Variants in SMARCA5 observed in about 807,000 individuals in gnomAD.
SMARCA5 encodes SWI/SNF-related matrix-associated actin-dependent regulator of chromatin subfamily A member 5.
SMARCA5 carries 18 observed loss-of-function variants against 140.4 expected under a neutral mutation model. The observed-to-expected ratio is 0.13, with a 90% CI of 0.09 to 0.19. SMARCA5 has a LOEUF of 0.19. SMARCA5 is among the 10% of genes least tolerant of loss of function. The probability of loss-of-function intolerance (pLI) is 1.00; values close to 1 mark genes in which losing one functional copy is unlikely to be tolerated. For missense variants in SMARCA5, 606 were observed against 1,276.8 expected (o/e 0.47, Z 8.01); for synonymous variants, 449 against 419.6 (o/e 1.07, Z -0.86).
chr4:143,536,602 A>G lies in SMARCA5; in HGVS notation c.1419A>G (p.Thr473=). The G allele has an allele frequency of 6.2e-7, 1 of 1,613,900 alleles. No homozygotes were observed. Among genetic ancestry groups the G allele is most frequent in the Non-Finnish European group, 8.5e-7 (1 of 1,179,828 alleles). Residue 473 remains threonine, a synonymous_variant, in exon 11 of 24, where the codon ACA becomes ACG. Coordinates refer to ENST00000283131, the MANE Select transcript of SMARCA5 (RefSeq NM_003601.4). ...FDGAEPGPPY[T]TDMHLVTNSG... is the part of the protein sequence containing the mutation. ...GAGCAGAACCTGGTCCACCTTATACAACAGATATGCATCTAGTAACCAACA... is the reference window on the plus strand; with the variant it reads ...GAGCAGAACCTGGTCCACCTTATACGACAGATATGCATCTAGTAACCAACA...
intron 13 of SMARCA5, 118 bp from the exon 14 acceptor site, chr4:143,540,245 C>G (rs940015247): frequency 5.6e-5 from 42 of 747,488 alleles, no homozygotes; most frequent in Non-Finnish European, 2.2e-5. Flanking sequence ...AGTGTTATTA[C>G]AAATTTTTAA....
chr4:143,544,878 T>C, intron 17 of SMARCA5, 31 bp downstream of exon 17: 1 of 1,173,794 alleles, frequency 8.5e-7, no homozygotes, highest in Non-Finnish European at 1.2e-6. Flanking sequence ...TAAAAATATC[T>C]AAAAATTTTG....
At chr4:143,540,814 T>C (rs868273499) in intron 14 of SMARCA5, among the ~76,000 whole-genome samples, 1 of 152,226 alleles carries the variant, frequency 6.6e-6, no homozygotes, top group Admixed American at 6.5e-5. Context: ...GGGGATAATG[T>C]ATATAAAATA....
intron 13 of SMARCA5, among the ~76,000 whole-genome samples, chr4:143,540,113 A>T (rs920257920): frequency 6.6e-6 from 1 of 152,172 alleles, no homozygotes; most frequent in African/African-American, 2.4e-5. Flanking sequence ...TAAACCTAGG[A>T]AAAAAGACTT....
Position 143,547,995 on chromosome 4 carries a change from A to C in SMARCA5, c.2840A>C (p.Tyr947Ser). Residue 947 changes from tyrosine to serine, a missense_variant, in exon 22 of 24, where the codon TAT becomes TCT. By Grantham distance (144) the Tyr-to-Ser change is moderately radical (BLOSUM62 -2). Transcript: ENST00000283131. The stretch of plus-strand genomic sequence containing the variant: ...TATGGTACTAACAAAGGAAAAAACT[A>C]TACTGAAGAAGAAGATCGTTTTCTG... The part of the protein sequence containing the change: ...ISYGTNKGKN[Y>S]TEEEDRFLIC... 6.2e-7 allele frequency: 1 copy of C among 1,611,916 alleles called. No homozygotes were observed. Among genetic ancestry groups the C allele is most frequent in the Non-Finnish European group, 8.5e-7 (1 of 1,178,268 alleles).
chr4:143,528,925 T>G (rs948890347), intron 8 of SMARCA5, among the ~76,000 whole-genome samples: 6 of 152,002 alleles, frequency 3.9e-5, no homozygotes, highest in African/African-American at 1.4e-4. Flanking sequence ...TCTTATTTCA[T>G]TATTATTATT....
chr4:143,515,597 A>G (rs1324512931), intron 1 of SMARCA5, among the ~76,000 whole-genome samples: 1 of 152,196 alleles, frequency 6.6e-6, no homozygotes, highest in Non-Finnish European at 1.5e-5. Context: ...TCTTATTAAT[A>G]TCTGAATGCA....
intron 11 of SMARCA5, among the ~76,000 whole-genome samples, chr4:143,537,520 T>C (rs1330525686): frequency 6.6e-6 from 1 of 152,168 alleles, no homozygotes. Flanking sequence ...TTTTAAAAAA[T>C]GCTTTCCTTG....
intron 13 of SMARCA5, 108 bp downstream of exon 13, chr4:143,539,046 C>A: frequency 2.1e-6 from 2 of 949,826 alleles, no homozygotes; most frequent in Non-Finnish European, 3.2e-6. Context: ...TTATTTTTCT[C>A]TAATCTAATG....
At chr4:143,517,268 A>T in intron 1 of SMARCA5, 87 bp from the exon 2 acceptor site, 1 of 846,760 alleles carries the variant, frequency 1.2e-6, no homozygotes, top group Non-Finnish European at 1.8e-6. Flanking sequence ...TGTATTATTT[A>T]AGATGTGTTT....
rs1338504487 is a variant in SMARCA5 at position 143,525,511 on chromosome 4, T to C, written c.581T>C (p.Leu194Ser). 6.2e-7 allele frequency: 1 copy of C among 1,613,242 alleles called. No individual in the cohort carries two copies. The change falls in exon 5 of 24, where the codon TTG (leucine) becomes TCG (serine). Residue 194 changes from leucine to serine, a missense_variant. Coordinates refer to ENST00000283131, the MANE Select transcript of SMARCA5 (RefSeq NM_003601.4). Reference protein sequence around the residue: ...QVRGLNWLISLYENGINGILA... With the variant: ...QVRGLNWLISSYENGINGILA... ...CGAGGATTAAACTGGCTCATTTCTT[T>C]GTATGAGAATGGCATCAATGGTATC...
At chr4:143,544,063 C>A in intron 16 of SMARCA5, 91 bp downstream of exon 16, 1 of 979,596 alleles carries the variant, frequency 1.0e-6, no homozygotes, top group Non-Finnish European at 1.4e-6. Flanking sequence ...TATAATTTTG[C>A]TTAAAACAGT....
In SMARCA5 at chr4:143,544,766, T is replaced by G; in HGVS notation, c.2202T>G (p.Pro734=). 6.2e-7 allele frequency: 1 copy of G among 1,612,668 alleles called. No homozygotes were observed. Among genetic ancestry groups the G allele is most frequent in the Non-Finnish European group, 8.5e-7 (1 of 1,179,156 alleles). The change falls in exon 17 of 24, where the codon CCT becomes CCG. Residue 734 remains proline, a synonymous_variant. Coordinates refer to ENST00000283131, the MANE Select transcript of SMARCA5 (RefSeq NM_003601.4). Reference sequence around the variant, plus strand: ...CATTCACAGAGTGGATTGAACCACCTAAACGAGAAAGAAAAGCCAACTATG... The same window carrying G: ...CATTCACAGAGTGGATTGAACCACCGAAACGAGAAAGAAAAGCCAACTATG... ...KIAFTEWIEP[P]KRERKANYAV...
In SMARCA5 at chr4:143,538,773, G is replaced by A. The variant is rs376358961; in HGVS notation, c.1618-13G>A. 57 of 1,613,284 alleles carry A rather than the reference G, an allele frequency of 3.5e-5. No individual in the cohort carries two copies. In the African/African-American group the frequency reaches 6.5e-4, roughly 19 times the overall value. On this transcript the variant is annotated splice_polypyrimidine_tract_variant and intron_variant, in intron 12 of 23. Transcript: ENST00000283131. ...AGATAAATTTTTTGACAACCATTTT[G>A]TTTTATCCATAGGACTCCATCAATG...
rs1417748948 is a variant in SMARCA5, at chr4:143,527,879, C to G, written c.813C>G (p.Val271=). The part of the protein sequence containing the change: ...IGDKEQRAAF[V]RDVLLPGEWD... ...CTCTTGTTACACAGGCTGCTTTTGT[C>G]AGAGACGTTTTATTACCGGGAGAAT... Residue 271 remains valine (V), a synonymous_variant, in exon 7 of 24, where the codon GTC becomes GTG. Coordinates refer to ENST00000283131, the MANE Select transcript of SMARCA5 (RefSeq NM_003601.4). 1.3e-6 allele frequency: 2 copies of G among 1,592,242 alleles called. No individual in the cohort carries two copies. Among genetic ancestry groups the G allele is most frequent in the Admixed American group, 1.9e-5 (1 of 52,838 alleles).
At chr4:143,537,917 CAA>C (rs34592654) in intron 11 of SMARCA5, among the ~76,000 whole-genome samples, 12,422 of 101,668 alleles carry the variant, frequency 0.12, 515 homozygotes, top group Non-Finnish European at 0.15. Context: ...GACTCCATCT[CAA>C]AAAAAAAAAA....
intron 9 of SMARCA5, among the ~76,000 whole-genome samples, chr4:143,531,033 C>T (rs1737173576): frequency 6.6e-6 from 1 of 152,160 alleles, no homozygotes; most frequent in African/African-American, 2.4e-5. Flanking sequence ...CCAGGCTAAT[C>T]TCGAACTTCT....
At chr4:143,540,753 C>T (rs1186806848) in intron 14 of SMARCA5, among the ~76,000 whole-genome samples, 1 of 152,136 alleles carries the variant, frequency 6.6e-6, no homozygotes, top group East Asian at 1.9e-4. Flanking sequence ...ATTTCCTCAT[C>T]TGTTAAGTGG....
At chr4:143,544,656 A>C (rs1293544392) in intron 16 of SMARCA5, 81 bp from the exon 17 acceptor site, 1 of 812,892 alleles carries the variant, frequency 1.2e-6, no homozygotes, top group Non-Finnish European at 2.1e-6. Context: ...ATATCTTTAC[A>C]TTTACAAACA....
Sources: gnomAD v4.1 joint callset for allele counts (sites outside exome capture counted in the v4.1 genomes callset) on GRCh38, gnomAD v4.1.1 for gene constraint, MANE v1.5 for transcripts, NCBI Gene and HGNC (gene_info 2026-07-23, HGNC 2026-07-21) for gene names.